SVBP: variants seen among roughly 807,000 people sequenced by gnomAD.
SVBP encodes the protein small vasohibin binding protein, also known as small vasohibin-binding protein.
A neutral mutation model predicts 9.2 loss-of-function variants in SVBP; 9 were observed. The ratio of observed to expected loss-of-function variants is 0.98; its 90% CI spans 0.59 to 1.71. The LOEUF is 1.71. SVBP is among the 40% of genes most tolerant of loss of function. The pLI, the probability that SVBP is intolerant of heterozygous loss-of-function variation, is 0.00. For missense variants in SVBP, 63 were observed against 73.2 expected, an observed-to-expected ratio of 0.86 and a Z score of 0.51; for synonymous variants, 27 against 23.9, an observed-to-expected ratio of 1.13 and a Z score of -0.37.
intron 2 of SVBP, chr1:42,809,005 C>T (rs1189818167): frequency 6.6e-6 from 1 of 152,214 alleles, no homozygotes; most frequent in Non-Finnish European, 1.5e-5. Context: ...CCATAAGCAA[C>T]GTTGATTCTT....
Position 42,807,167 on chromosome 1 carries a change from TTTAA to T in SVBP, c.*243_*246del. ...TTTTTGTGTGTGTTTTTTTTTTTTT[TTTAA>T]AAAAACCCAAAAAACAAAACCACTG... is the stretch of plus-strand genomic sequence containing the variant. On this transcript the variant is annotated 3_prime_UTR_variant, in exon 3 of 3. Coordinates refer to ENST00000372521, the MANE Select transcript of SVBP (RefSeq NM_199342.4). 3.4e-6 allele frequency: 1 copy of T among 295,284 alleles called. No homozygotes were observed. Among genetic ancestry groups the T allele is most frequent in the Non-Finnish European group, 6.2e-6 (1 of 161,260 alleles). 18.3% of individuals were successfully genotyped at this position (295,284 alleles called of 1,614,324 possible).
intron 2 of SVBP, among the ~76,000 whole-genome samples, chr1:42,807,805 A>G (rs552909416): frequency 1.3e-5 from 2 of 152,206 alleles, no homozygotes; most frequent in East Asian, 1.9e-4. Context: ...GAAGTTACAT[A>G]CAGGAAGATC....
intron 2 of SVBP, chr1:42,809,190 T>G (rs1654029287): frequency 6.6e-6 from 1 of 151,930 alleles, no homozygotes; most frequent in Admixed American, 6.6e-5. Flanking sequence ...ATCCACCCAC[T>G]AAGAACAGAA....
intron 2 of SVBP, among the ~76,000 whole-genome samples, chr1:42,810,095 A>AACAC (rs35552772): frequency 7.6e-5 from 11 of 143,812 alleles, no homozygotes; most frequent in African/African-American, 2.6e-4. Flanking sequence ...ATATACTTTT[A>AACAC]ACACACACAC....
At chr1:42,812,930 GTACT>G (rs1654111011) in intron 2 of SVBP, among the ~76,000 whole-genome samples, 1 of 151,942 alleles carries the variant, frequency 6.6e-6, no homozygotes, top group Non-Finnish European at 1.5e-5. Context: ...TAGCAAAGAG[GTACT>G]TACTTTTCAA....
intron 2 of SVBP, 118 bp from the exon 3 acceptor site, chr1:42,807,618 G>GGGAC: frequency 1.4e-6 from 1 of 733,498 alleles, no homozygotes; most frequent in Non-Finnish European, 2.4e-6. Context: ...TGGTAATGCA[G>GGGAC]GGACAGTGCT....
chr1:42,807,152 TG>T lies in SVBP; in HGVS notation c.*261del, dbSNP rs1204756479. ...CAATAGAAAAAGTGTTTTTTGTGTG[TG>T]TTTTTTTTTTTTTTTTAAAAAAACC... On this transcript the variant is annotated 3_prime_UTR_variant, in exon 3 of 3. Transcript: ENST00000372521. 1.8e-4 allele frequency: 48 copies of T among 261,622 alleles called. No homozygotes were observed. The highest frequency in any genetic ancestry group is 4.3e-4 in the South Asian group (2 of 4,598). 16.2% of individuals were successfully genotyped at this position (261,622 alleles called of 1,614,324 possible). A position where few individuals can be genotyped will look rare whatever the true frequency, so the allele number is the denominator to read the frequency against.
At chr1:42,810,955 C>CA (rs1043418840) in intron 2 of SVBP, among the ~76,000 whole-genome samples, 1 of 152,136 alleles carries the variant, frequency 6.6e-6, no homozygotes, top group Admixed American at 6.6e-5. Flanking sequence ...GCCTGACCAA[C>CA]ATGGTGAAAG....
chr1:42,815,438 T>C (rs1421289679), intron 2 of SVBP, among the ~76,000 whole-genome samples: 1 of 149,554 alleles, frequency 6.7e-6, no homozygotes, highest in African/African-American at 2.5e-5. Context: ...TCTAGTAAAA[T>C]TGAGAATGTA....
chr1:42,810,372 T>G (rs964250700), intron 2 of SVBP, among the ~76,000 whole-genome samples: 15 of 152,110 alleles, frequency 9.9e-5, no homozygotes, highest in Non-Finnish European at 1.8e-4. Context: ...GGTCTTGATC[T>G]CCTGACCTCG....
chr1:42,816,154 C>T, intron 2 of SVBP: 1 of 370,558 alleles, frequency 2.7e-6, no homozygotes, highest in Non-Finnish European at 4.9e-6. Flanking sequence ...CCCTTCTTTC[C>T]CCTTACATAT....
intron 2 of SVBP, among the ~76,000 whole-genome samples, chr1:42,814,101 G>T (rs2886833): frequency 0.76 from 106,279 of 140,684 alleles, 40,706 homozygotes; most frequent in East Asian, 0.97. Context: ...TTTTTTTTTT[G>T]TTTTTGAGAC....
intron 2 of SVBP, among the ~76,000 whole-genome samples, chr1:42,811,361 G>C (rs182250196): frequency 6.6e-6 from 1 of 152,282 alleles, no homozygotes; most frequent in Non-Finnish European, 1.5e-5. Flanking sequence ...AGGTTAAATG[G>C]GAGTCACAAT....
intron 2 of SVBP, among the ~76,000 whole-genome samples, chr1:42,814,467 G>C (rs1654153040): frequency 6.6e-6 from 1 of 151,834 alleles, no homozygotes; most frequent in South Asian, 2.1e-4. Context: ...CAGCACTTTG[G>C]GAGGCCAAGG....
At chr1:42,814,931 T>C (rs1244027645) in intron 2 of SVBP, among the ~76,000 whole-genome samples, 1 of 152,128 alleles carries the variant, frequency 6.6e-6, no homozygotes, top group East Asian at 1.9e-4. Flanking sequence ...ATGTTTATTA[T>C]GGCACTATTC....
chr1:42,816,485 C>T lies in SVBP; in HGVS notation c.60G>A (p.Glu20=), dbSNP rs1410353634. 1 of 1,614,184 alleles carries T rather than the reference C, an allele frequency of 6.2e-7. No individual in the cohort carries two copies. Residue 20 remains glutamate (E), a synonymous_variant, in exon 2 of 3, where the codon GAG becomes GAA. Coordinates refer to ENST00000372521, the MANE Select transcript of SVBP (RefSeq NM_199342.4). The part of the protein sequence containing the change: ...TKVKESVSRV[E]KAKQKSAQQE... ...GCTGGGCTGATTTCTGTTTGGCCTT[C>T]TCAACTCTGCTGACAGATTCTTTAA...
intron 2 of SVBP, 56 bp from the exon 3 acceptor site, chr1:42,807,556 C>G (rs1653987984): frequency 1.5e-6 from 2 of 1,338,144 alleles, no homozygotes; most frequent in South Asian, 2.4e-5. Context: ...CACAAAGCAT[C>G]TTCTGACATA....
Position 42,807,140 on chromosome 1 carries a change from GTT to G in SVBP, c.*272_*273del. The G allele has an allele frequency of 3.7e-6, 1 of 271,308 alleles. No homozygotes were observed. Among genetic ancestry groups the G allele is most frequent in the Non-Finnish European group, 6.5e-6 (1 of 152,964 alleles). The allele number at this position is 271,308 out of a possible 1,614,324, so 16.8% of individuals were successfully genotyped here. On this transcript the variant is annotated 3_prime_UTR_variant, in exon 3 of 3. Transcript: ENST00000372521. ...ATTTTTCTCAAACAATAGAAAAAGT[GTT>G]TTTTGTGTGTGTTTTTTTTTTTTTT... is the stretch of plus-strand genomic sequence containing the variant.
intron 1 of SVBP, 109 bp downstream of exon 1, chr1:42,817,081 C>A: frequency 1.4e-6 from 1 of 701,368 alleles, no homozygotes; most frequent in Non-Finnish European, 1.8e-6. Flanking sequence ...CGACCCCGCC[C>A]CGGCCCGCCC....
Sources: allele counts gnomAD v4.1 joint callset (sites outside exome capture counted in the v4.1 genomes callset), GRCh38; gene constraint gnomAD v4.1.1; transcripts MANE v1.5; gene names NCBI Gene and HGNC (gene_info 2026-07-23, HGNC 2026-07-21).